AUTS2: variants seen among roughly 807,000 people sequenced by gnomAD.
AUTS2 encodes the protein autism susceptibility gene 2 protein.
Under a neutral mutation model 112.4 loss-of-function variants are expected in AUTS2, and 17 were observed. That is an observed-to-expected ratio of 0.15 (90% CI 0.10 to 0.23). AUTS2 has a LOEUF of 0.23. Among genes scored for constraint, AUTS2 ranks in the 10% least tolerant of loss-of-function variants. AUTS2 has a pLI of 1.00. For missense variants in AUTS2, 1,510 were observed against 1,701.6 expected (o/e 0.89, Z 1.98); for synonymous variants, 751 against 702.7 (o/e 1.07, Z -1.09).
chr7:70,550,974 A>G (rs1800993096), intron 5 of AUTS2, among the ~76,000 whole-genome samples: 1 of 152,164 alleles, frequency 6.6e-6, no homozygotes, highest in Non-Finnish European at 1.5e-5. Context: ...GGAGTATGTT[A>G]TGGTGCCAGA....
At chr7:70,080,429 A>G (rs1803245612) in intron 2 of AUTS2, among the ~76,000 whole-genome samples, 1 of 152,226 alleles carries the variant, frequency 6.6e-6, no homozygotes, top group South Asian at 2.1e-4. Context: ...AGGTACAACC[A>G]TAGGTTGGCT....
rs1159911390 is a variant in AUTS2, at chr7:70,790,537, C to T, written c.3321C>T (p.Pro1107=). 3.7e-6 allele frequency: 6 copies of T among 1,607,708 alleles called. No individual in the cohort carries two copies. In the East Asian group the frequency reaches 1.3e-4, roughly 36 times the overall value. Residue 1107 remains proline (P), a synonymous_variant, in exon 19 of 19, where the codon CCC becomes CCT. Transcript: ENST00000342771. The surrounding 1 kb of genome is among the most constrained non-coding windows in gnomAD (Gnocchi z 7.6). Reference sequence around the variant, plus strand: ...ACCCGCTCCACCGGCTCTCGACTCCCCGGCTGTACGAAGCCGACCGCTCCT... The same window carrying T: ...ACCCGCTCCACCGGCTCTCGACTCCTCGGCTGTACGAAGCCGACCGCTCCT... ...RNDPLHRLST[P]RLYEADRSFR...
chr7:69,642,073 C>CT (rs1794822186), intron 1 of AUTS2, among the ~76,000 whole-genome samples: 1 of 152,192 alleles, frequency 6.6e-6, no homozygotes, highest in Non-Finnish European at 1.5e-5. Flanking sequence ...TGGCCCAGAA[C>CT]TAGCACAGTC....
rs370979570 is a variant in AUTS2, at chr7:69,685,869, TAG to T, written c.309+85911_309+85912del. On this transcript the variant is annotated intron_variant, in intron 1 of 18. Transcript: ENST00000342771. ...CAATCCATGCCTTTTTACTCTGTTG[TAG>T]AGACTGTCTTGGAGTGTTGAGTTCA... Among the ~76,000 whole-genome samples the T allele has an allele frequency of 5.9e-5, 9 of 152,204 alleles. No homozygotes were observed. In the South Asian group the frequency reaches 1.9e-3, roughly 32 times the overall value.
intron 4 of AUTS2, among the ~76,000 whole-genome samples, chr7:70,224,188 G>T (rs1005326756): frequency 1.3e-5 from 2 of 152,070 alleles, no homozygotes; most frequent in African/African-American, 4.8e-5. Flanking sequence ...GATGGTGTGT[G>T]CCTGTAGACT....
intron 2 of AUTS2, among the ~76,000 whole-genome samples, chr7:70,050,736 T>A (rs1252066980): frequency 6.6e-6 from 1 of 152,228 alleles, no homozygotes; most frequent in East Asian, 1.9e-4. Flanking sequence ...GGCTCATGCC[T>A]GTAATTCCAG....
intron 1 of AUTS2, among the ~76,000 whole-genome samples, chr7:69,766,714 G>C (rs148796211): frequency 2.5e-3 from 378 of 152,228 alleles, no homozygotes; most frequent in African/African-American, 8.6e-3. Context: ...TTTGTAGGTT[G>C]GTGCCTCTCA....
intron 1 of AUTS2, among the ~76,000 whole-genome samples, chr7:69,618,145 T>A (rs1793475831): frequency 6.6e-6 from 1 of 152,166 alleles, no homozygotes; most frequent in South Asian, 2.1e-4. Context: ...GATTTGAATT[T>A]AGACTATTTG....
intron 6 of AUTS2, among the ~76,000 whole-genome samples, chr7:70,701,458 G>T (rs747017604): frequency 3.9e-5 from 6 of 152,208 alleles, no homozygotes; most frequent in Non-Finnish European, 8.8e-5. Context: ...TTGGGAAGGG[G>T]CAGGGGTTGA....
At chr7:70,703,587 T>C (rs1173576920) in intron 6 of AUTS2, among the ~76,000 whole-genome samples, 1 of 151,870 alleles carries the variant, frequency 6.6e-6, no homozygotes, top group African/African-American at 2.4e-5. Context: ...AGAAAAAAAT[T>C]TGGTTTACAG....
At chr7:70,581,118 C>T (rs539033627) in intron 5 of AUTS2, among the ~76,000 whole-genome samples, 1 of 152,118 alleles carries the variant, frequency 6.6e-6, no homozygotes, top group Non-Finnish European at 1.5e-5. Flanking sequence ...CGTAGTGGCT[C>T]ACGCTTGTAA....
At chr7:70,542,791 A>G (rs1252236080) in intron 5 of AUTS2, among the ~76,000 whole-genome samples, 1 of 152,190 alleles carries the variant, frequency 6.6e-6, no homozygotes, top group African/African-American at 2.4e-5. Flanking sequence ...GGTGTCTTAA[A>G]TCCAGGTTGT....
intron 5 of AUTS2, among the ~76,000 whole-genome samples, chr7:70,498,319 A>T (rs1163674205): frequency 6.6e-6 from 1 of 152,254 alleles, no homozygotes; most frequent in South Asian, 2.1e-4. Context: ...TTTTGCCTTA[A>T]TGGCTTCCTG....
intron 1 of AUTS2, among the ~76,000 whole-genome samples, chr7:69,646,901 A>G (rs762263380): frequency 1.2e-4 from 19 of 152,198 alleles, no homozygotes; most frequent in Non-Finnish European, 1.9e-4. Context: ...CCTGGCTAAC[A>G]CGGTGAAACC....
intron 4 of AUTS2, among the ~76,000 whole-genome samples, chr7:70,332,636 C>T (rs767368805): frequency 4.6e-5 from 7 of 152,202 alleles, no homozygotes; most frequent in Admixed American, 6.5e-5. Flanking sequence ...TGGAACAGAA[C>T]GGTGGCCTCA....
At chr7:69,673,551 C>T (rs965925007) in intron 1 of AUTS2, among the ~76,000 whole-genome samples, 1 of 152,240 alleles carries the variant, frequency 6.6e-6, no homozygotes, top group Admixed American at 6.5e-5. Flanking sequence ...CCAGCCTCAC[C>T]AATGTCCATG....
At chr7:69,856,617 A>G (rs532825422) in intron 1 of AUTS2, among the ~76,000 whole-genome samples, 1 of 152,314 alleles carries the variant, frequency 6.6e-6, no homozygotes, top group Non-Finnish European at 1.5e-5. Flanking sequence ...AACTAGTTGC[A>G]TAGTCTTGGA....
intron 5 of AUTS2, among the ~76,000 whole-genome samples, chr7:70,638,588 G>A (rs1417243482): frequency 7.9e-5 from 12 of 151,972 alleles, no homozygotes; most frequent in Admixed American, 7.9e-4. Context: ...CTCCATAAAG[G>A]ACTGTGCGAG....
At chr7:70,691,304 A>C (rs1252779108) in intron 5 of AUTS2, among the ~76,000 whole-genome samples, 1 of 152,170 alleles carries the variant, frequency 6.6e-6, no homozygotes, top group Non-Finnish European at 1.5e-5. Context: ...GATGTTAAGA[A>C]GCCATTAGTG....
Sources: allele counts gnomAD v4.1 joint callset (sites outside exome capture counted in the v4.1 genomes callset), GRCh38; gene constraint gnomAD v4.1.1; non-coding constraint Gnocchi (gnomAD v3.1); transcripts MANE v1.5; gene names NCBI Gene and HGNC (gene_info 2026-07-23, HGNC 2026-07-21).